Variants in MSI1 observed in about 807,000 individuals in gnomAD.
The protein encoded by MSI1 is RNA-binding protein Musashi homolog 1.
MSI1 carries 15 observed loss-of-function variants against 54.4 expected under a neutral mutation model. That is an observed-to-expected ratio of 0.28 (90% CI 0.18 to 0.42). The LOEUF is 0.42. Ranked by LOEUF, MSI1 falls within the 20% of genes least tolerant of loss-of-function variation. The pLI is 1.00. For synonymous variants in MSI1, 200 were observed against 196.5 expected (o/e 1.02, Z -0.15); for missense variants, 304 against 506.0 (o/e 0.60, Z 3.83).
intron 11 of MSI1, among the ~76,000 whole-genome samples, chr12:120,348,655 G>A (rs554805645): frequency 1.7e-4 from 26 of 152,006 alleles, no homozygotes; most frequent in Admixed American, 3.9e-4. Flanking sequence ...AGGCCGAGGC[G>A]GGCGGATCAC....
Position 120,368,581 on chromosome 12 carries a change from G to A in MSI1, c.100+252C>T, listed in dbSNP as rs1183782666. The stretch of plus-strand genomic sequence containing the variant: ...AGGTGCGAGCGGAGTTGGCGCTGCC[G>A]CCGGCGGGTCCCGGGGGCCCAGCCC... On this transcript the variant is annotated intron_variant, in intron 2 of 14. Coordinates refer to ENST00000257552, the MANE Select transcript of MSI1 (RefSeq NM_002442.4). The surrounding 1 kb of genome is among the most constrained non-coding windows in gnomAD (Gnocchi z 6.6). Among the ~76,000 whole-genome samples, 4 of 151,964 alleles carry A rather than the reference G, an allele frequency of 2.6e-5. No homozygotes were observed. The highest frequency in any genetic ancestry group is 9.7e-5 in the African/African-American group (4 of 41,414).
At chr12:120,344,913 G>A (rs751977604) in intron 14 of MSI1, among the ~76,000 whole-genome samples, 3 of 151,220 alleles carry the variant, frequency 2.0e-5, no homozygotes, top group Non-Finnish European at 4.4e-5. Flanking sequence ...CTACTCGGGA[G>A]GCTGAGACAC....
intron 6 of MSI1, among the ~76,000 whole-genome samples, chr12:120,361,223 GA>G (rs1875605051): frequency 6.6e-6 from 1 of 151,668 alleles, no homozygotes; most frequent in African/African-American, 2.4e-5. Context: ...TTTTTTGAAT[GA>G]ATGAATGAAT....
At position 120,359,766 on chromosome 12, in the gene MSI1, G is replaced by C. The variant is rs536198953; in HGVS notation, c.403-713C>G. 7.9e-5 allele frequency among the ~76,000 whole-genome samples: 12 copies of C among 152,148 alleles called. No homozygotes were observed. In the South Asian group the frequency reaches 2.5e-3, roughly 32 times the overall value. ...CACCTTCCATTTGCCTGCATCTGGT[G>C]CCTCCTCCTTGCCCTCTTTCTTAGT... On this transcript the variant is annotated intron_variant, in intron 6 of 14. Transcript: ENST00000257552.
rs986963669 is a variant in MSI1 at position 120,368,029 on chromosome 12, C to T, written c.246G>A (p.Arg82=). The change falls in exon 4 of 15, where the codon CGG becomes CGA. Residue 82 remains arginine, a synonymous_variant. Coordinates refer to ENST00000257552, the MANE Select transcript of MSI1 (RefSeq NM_002442.4). The surrounding 1 kb of genome is among the most constrained non-coding windows in gnomAD (Gnocchi z 6.6). Reference sequence around the variant, plus strand: ...TCACTGTTTTGGAGTCGAGCTCGTGCCGCGATTGCGCCAGCACTTTATCCA... The same window carrying T: ...TCACTGTTTTGGAGTCGAGCTCGTGTCGCGATTGCGCCAGCACTTTATCCA... The part of the protein sequence containing the change: ...AGVDKVLAQS[R]HELDSKTIDP... 1.2e-6 allele frequency: 2 copies of T among 1,612,878 alleles called. No homozygotes were observed. Among genetic ancestry groups the T allele is most frequent in the African/African-American group, 1.3e-5 (1 of 75,030 alleles).
intron 8 of MSI1, among the ~76,000 whole-genome samples, chr12:120,357,523 A>G (rs1401199493): frequency 6.6e-6 from 1 of 152,054 alleles, no homozygotes; most frequent in Non-Finnish European, 1.5e-5. Context: ...TTTGTTTGAG[A>G]CGGAGTCTCA....
At chr12:120,367,414 A>C (rs372722701) in intron 4 of MSI1, among the ~76,000 whole-genome samples, 6 of 152,312 alleles carry the variant, frequency 3.9e-5, no homozygotes, top group African/African-American at 1.4e-4. Context: ...GCTTCTCCTA[A>C]GATCTAGTCT....
intron 11 of MSI1, among the ~76,000 whole-genome samples, chr12:120,350,806 T>C (rs1050251598): frequency 1.3e-5 from 2 of 152,236 alleles, no homozygotes; most frequent in Admixed American, 6.5e-5. Context: ...TTCATTTGGC[T>C]CACAGTGTTT....
chr12:120,359,967 C>T (rs1875490492), intron 6 of MSI1, among the ~76,000 whole-genome samples: 1 of 152,054 alleles, frequency 6.6e-6, no homozygotes, highest in African/African-American at 2.4e-5. Flanking sequence ...CTTCCCTCTA[C>T]TTCCAGGCCC....
intron 12 of MSI1, 41 bp downstream of exon 12, chr12:120,347,405 G>A (rs1210771650): frequency 1.2e-6 from 2 of 1,612,050 alleles, no homozygotes; most frequent in Admixed American, 3.3e-5. Context: ...TCTGCTCCCT[G>A]TGCTCCCTCA....
chr12:120,353,407 T>C (rs1407473088), intron 9 of MSI1, 28 bp from the exon 10 acceptor site: 2 of 1,605,716 alleles, frequency 1.2e-6, no homozygotes, highest in Non-Finnish European at 1.7e-6. Flanking sequence ...CAGTGTCAGA[T>C]GGCTCATCCA....
At chr12:120,345,177 C>T (rs965481313) in intron 14 of MSI1, among the ~76,000 whole-genome samples, 1 of 151,268 alleles carries the variant, frequency 6.6e-6, no homozygotes, top group African/African-American at 2.4e-5. Flanking sequence ...CACAGTGAAA[C>T]CCTGTCTCTA....
Position 120,368,161 on chromosome 12 carries a change from C to T in MSI1, c.182+31G>A, listed in dbSNP as rs941439322. ...GAGTGGCGGGTGGAGGGGGGCGAGCCGGGAGCAGGAGGAGGGGGTGAGGGG... is the reference window on the plus strand; with the variant it reads ...GAGTGGCGGGTGGAGGGGGGCGAGCTGGGAGCAGGAGGAGGGGGTGAGGGG... On this transcript the variant is annotated intron_variant, in intron 3 of 14. Transcript: ENST00000257552. The surrounding 1 kb of genome is among the most constrained non-coding windows in gnomAD (Gnocchi z 6.6). 1.3e-6 allele frequency: 2 copies of T among 1,580,508 alleles called. No individual in the cohort carries two copies. The highest frequency in any genetic ancestry group is 1.7e-6 in the Non-Finnish European group (2 of 1,162,570).
Position 120,362,919 on chromosome 12 carries a change from C to T in MSI1, c.402+124G>A, listed in dbSNP as rs117536618. 4.1e-4 allele frequency: 340 copies of T among 828,200 alleles called. 3 individuals are homozygous for T. In the East Asian group the frequency reaches 8.2e-3, roughly 20 times the overall value. The allele number at this position is 828,200 out of a possible 1,614,324, so 51.3% of individuals were successfully genotyped here. A position where few individuals can be genotyped will look rare whatever the true frequency, so the allele number is the denominator to read the frequency against. On this transcript the variant is annotated intron_variant, in intron 6 of 14. Transcript: ENST00000257552. ...GGATTGGCCTGGTCTGCCCCCACAG[C>T]AGGATCCAGCCCCACTCTCATCTTT...
intron 7 of MSI1, among the ~76,000 whole-genome samples, chr12:120,358,605 T>C (rs2239198): frequency 0.38 from 58,469 of 152,074 alleles, 13,817 homozygotes; most frequent in South Asian, 0.57. Flanking sequence ...GCTCACAGGT[T>C]CAGAGGCAAC....
At chr12:120,351,577 GAC>G (rs1204314747) in intron 10 of MSI1, among the ~76,000 whole-genome samples, 177 bp from the exon 11 acceptor site, 2 of 151,962 alleles carry the variant, frequency 1.3e-5, no homozygotes, top group Non-Finnish European at 2.9e-5. Flanking sequence ...CAAGGAGACA[GAC>G]ACAGAGGAGA....
intron 7 of MSI1, 133 bp from the exon 8 acceptor site, chr12:120,358,031 C>A (rs1387032873): frequency 4.2e-6 from 3 of 722,606 alleles, no homozygotes; most frequent in Non-Finnish European, 4.8e-6. Flanking sequence ...CTGCTCACAG[C>A]CTGGAATCCT....
chr12:120,368,746 C>A lies in MSI1; in HGVS notation c.100+87G>T. 8.4e-7 allele frequency: 1 copy of A among 1,192,894 alleles called. No individual in the cohort carries two copies. The highest frequency in any genetic ancestry group is 1.1e-6 in the Non-Finnish European group (1 of 943,988). The allele number at this position is 1,192,894 out of a possible 1,614,324, so 73.9% of individuals were successfully genotyped here. A position where few individuals can be genotyped will look rare whatever the true frequency, so the allele number is the denominator to read the frequency against. ...GAGGGCGCCCGGGGTCAGCAGGGCG[C>A]AGGGCCGGGCTGGGGTGTCCGGGTC... On this transcript the variant is annotated intron_variant, in intron 2 of 14. Transcript: ENST00000257552. The surrounding 1 kb of genome is among the most constrained non-coding windows in gnomAD (Gnocchi z 6.6).
intron 10 of MSI1, among the ~76,000 whole-genome samples, chr12:120,351,709 CTCTTT>C (rs1428607956): frequency 1.5e-4 from 18 of 117,326 alleles, no homozygotes; most frequent in Non-Finnish European, 2.8e-4. Flanking sequence ...CTTTCTTTCT[CTCTTT>C]TTTTTTTTTT....
Sources: gnomAD v4.1 joint callset for allele counts (sites outside exome capture counted in the v4.1 genomes callset) on GRCh38, gnomAD v4.1.1 for gene constraint, Gnocchi (gnomAD v3.1) non-coding constraint, MANE v1.5 for transcripts, NCBI Gene and HGNC (gene_info 2026-07-23, HGNC 2026-07-21) for gene names.